The following FANCI variants were observed in gnomAD, a reference collection of about 807,000 sequenced individuals.
FANCI encodes the protein Fanconi anemia group I protein.
A neutral mutation model predicts 176.1 loss-of-function variants in FANCI; 156 were observed. The observed-to-expected ratio is 0.89, with a 90% confidence interval of 0.78 to 1.01. The LOEUF is 1.01. Among genes scored for constraint, FANCI ranks in the 50% least tolerant of loss-of-function variants. The probability of loss-of-function intolerance (pLI) is 0.00; values close to 1 mark genes in which losing one functional copy is unlikely to be tolerated. For synonymous variants in FANCI, 613 were observed against 541.7 expected (o/e 1.13, Z -1.83); for missense variants, 1,678 against 1,534.1 (o/e 1.09, Z -1.57).
chr15:89,252,806 T>C (rs2052319323), intron 2 of FANCI, among the ~76,000 whole-genome samples: 1 of 152,182 alleles, frequency 6.6e-6, no homozygotes, highest in African/African-American at 2.4e-5. Context: ...ATGAAACACT[T>C]CTGAAGGACA....
chr15:89,268,623 G>T, intron 10 of FANCI, 98 bp downstream of exon 10: 4 of 1,442,568 alleles, frequency 2.8e-6, no homozygotes, highest in Non-Finnish European at 2.9e-6. Context: ...AATAAATACT[G>T]TAAAATGACC....
intron 34 of FANCI, 68 bp from the exon 35 acceptor site, chr15:89,312,834 AAT>A: frequency 6.4e-6 from 8 of 1,242,438 alleles, no homozygotes; most frequent in East Asian, 2.5e-5. Flanking sequence ...AAAAAAAAAA[AAT>A]TAGCACTAGC....
At chr15:89,272,279 C>T (rs529896744) in intron 10 of FANCI, among the ~76,000 whole-genome samples, 4 of 152,106 alleles carry the variant, frequency 2.6e-5, no homozygotes, top group African/African-American at 7.2e-5. Context: ...ATCTTTTGCC[C>T]GTTTTTTGAG....
intron 9 of FANCI, 68 bp from the exon 10 acceptor site, chr15:89,268,331 A>G (rs1567148296): frequency 1.3e-6 from 2 of 1,591,094 alleles, no homozygotes. Context: ...TTGGCCTCCC[A>G]AAGTGCTGGC....
At chr15:89,257,971 A>G (rs1371940753) in intron 2 of FANCI, among the ~76,000 whole-genome samples, 8 of 152,064 alleles carry the variant, frequency 5.3e-5, no homozygotes, top group Admixed American at 3.9e-4. Flanking sequence ...TAAACTTCCT[A>G]CCATGGCCTG....
intron 20 of FANCI, 131 bp downstream of exon 20, chr15:89,291,845 C>T (rs948688919): frequency 1.1e-5 from 8 of 749,260 alleles, no homozygotes; most frequent in East Asian, 2.7e-5. Context: ...TTAAGTCTTC[C>T]CTGCTTATCA....
chr15:89,250,639 G>C (rs1353931313), intron 2 of FANCI, among the ~76,000 whole-genome samples: 1 of 151,436 alleles, frequency 6.6e-6, no homozygotes, highest in Non-Finnish European at 1.5e-5. Context: ...GCACATGTAC[G>C]CATATGTAAC....
intron 16 of FANCI, 65 bp downstream of exon 16, chr15:89,281,900 C>G (rs1041198630): frequency 1.4e-6 from 2 of 1,388,904 alleles, no homozygotes; most frequent in Admixed American, 3.4e-5. Context: ...AAAGTTATCT[C>G]TGCCATCTCC....
chr15:89,252,223 C>T (rs771220070), intron 2 of FANCI, among the ~76,000 whole-genome samples: 2 of 151,054 alleles, frequency 1.3e-5, no homozygotes, highest in African/African-American at 4.9e-5. Flanking sequence ...TCACTTGAAC[C>T]TGGGAGGTGG....
intron 9 of FANCI, among the ~76,000 whole-genome samples, chr15:89,266,777 A>G (rs934360707): frequency 4.9e-4 from 75 of 152,310 alleles, no homozygotes; most frequent in African/African-American, 1.5e-3. Flanking sequence ...CCAGCAGAGA[A>G]GGTGGTCTTA....
intron 3 of FANCI, among the ~76,000 whole-genome samples, chr15:89,259,684 G>A (rs996063826): frequency 2.6e-5 from 4 of 152,020 alleles, no homozygotes; most frequent in Non-Finnish European, 5.9e-5. Context: ...AAGAAACCAC[G>A]AATCTACTTT....
In FANCI at chr15:89,305,256, C is replaced by T. The variant is rs774347719; in HGVS notation, c.3186+14C>T. The stretch of plus-strand genomic sequence containing the variant: ...GATATAGACCAGGTACTATAATGAG[C>T]CTTCAGTACAATACCCTGTGTGGGG... On this transcript the variant is annotated intron_variant, in intron 29 of 37. Coordinates refer to ENST00000310775, the MANE Select transcript of FANCI (RefSeq NM_001113378.2). The T allele has an allele frequency of 1.8e-5, 29 of 1,614,056 alleles. No homozygotes were observed. The highest frequency in any genetic ancestry group is 2.5e-5 in the Non-Finnish European group (29 of 1,180,040).
chr15:89,298,045 T>C (rs1490276038), intron 24 of FANCI, among the ~76,000 whole-genome samples: 3 of 151,786 alleles, frequency 2.0e-5, no homozygotes, highest in African/African-American at 7.3e-5. Context: ...CCTTAATTAA[T>C]GTAATCAGCC....
intron 1 of FANCI, among the ~76,000 whole-genome samples, chr15:89,246,320 T>G (rs980658517): frequency 1.3e-5 from 2 of 152,256 alleles, no homozygotes; most frequent in Non-Finnish European, 2.9e-5. Context: ...TAGCATTTGC[T>G]GTTTCTTCTT....
chr15:89,312,788 C>A, intron 34 of FANCI, 116 bp from the exon 35 acceptor site: 1 of 790,758 alleles, frequency 1.3e-6, no homozygotes, highest in Non-Finnish European at 2.0e-6. Context: ...CACTGCACAC[C>A]AGCCTGGGTG....
intron 23 of FANCI, among the ~76,000 whole-genome samples, 186 bp from the exon 24 acceptor site, chr15:89,294,729 G>A (rs1473869274): frequency 6.6e-6 from 1 of 152,156 alleles, no homozygotes; most frequent in Non-Finnish European, 1.5e-5. Flanking sequence ...TAAGAATAAC[G>A]ATTATAAAAG....
In FANCI at chr15:89,307,237, C is replaced by A. The variant is rs140195823; in HGVS notation, c.3538-239C>A. On this transcript the variant is annotated intron_variant, in intron 32 of 37. Coordinates refer to ENST00000310775, the MANE Select transcript of FANCI (RefSeq NM_001113378.2). ...GTTGGTTTTTTACATGCAGGGACTA[C>A]CAGCCTGAGGAATTTTTAAAGAAAT... Among the ~76,000 whole-genome samples the A allele has an allele frequency of 8.9e-3, 1,362 of 152,292 alleles. 19 individuals are homozygous for A. Among genetic ancestry groups the A allele is most frequent in the African/African-American group, 0.03 (1,229 of 41,548 alleles).
At chr15:89,244,588 C>T (rs1205202148) in intron 1 of FANCI, among the ~76,000 whole-genome samples, 4 of 152,134 alleles carry the variant, frequency 2.6e-5, no homozygotes. Flanking sequence ...AGCAAATGTG[C>T]CTAGGTTGAT....
intron 10 of FANCI, among the ~76,000 whole-genome samples, chr15:89,270,726 G>A (rs558668610): frequency 6.6e-6 from 1 of 151,972 alleles, no homozygotes; most frequent in East Asian, 1.9e-4. Flanking sequence ...TATTTGTTTT[G>A]AGCACAAAAT....
Sources: gnomAD v4.1 joint callset for allele counts (sites outside exome capture counted in the v4.1 genomes callset) on GRCh38, gnomAD v4.1.1 for gene constraint, MANE v1.5 for transcripts, NCBI Gene and HGNC (gene_info 2026-07-23, HGNC 2026-07-21) for gene names.